PDE1B: variants seen among roughly 807,000 people sequenced by gnomAD.
PDE1B encodes the protein phosphodiesterase 1B, also known as dual specificity calcium/calmodulin-dependent 3',5'-cyclic nucleotide phosphodiesterase 1B.
A neutral mutation model predicts 66.7 loss-of-function variants in PDE1B; 13 were observed. That is an observed-to-expected ratio of 0.19 (90% CI 0.13 to 0.31). The LOEUF (loss-of-function observed/expected upper bound fraction) is 0.31. Among genes scored for constraint, PDE1B ranks in the 10% least tolerant of loss-of-function variants. The pLI is 1.00. For missense variants in PDE1B, 485 were observed against 682.3 expected, an observed-to-expected ratio of 0.71 and a Z score of 3.22; for synonymous variants, 230 against 253.9, an observed-to-expected ratio of 0.91 and a Z score of 0.90.
rs1555175896 is a variant in PDE1B, at chr12:54,573,870, AGTGTGTGTGTGT to A, written c.1064+192_1064+203del. ...GCATCTCTATGTGAGAGAGAGAGAGAGTGTGTGTGTGTGTGTGTGTGTGTGTGTGTGTGTGTG... is the reference window on the plus strand; with the variant it reads ...GCATCTCTATGTGAGAGAGAGAGAGAGTGTGTGTGTGTGTGTGTGTGTGTG... On this transcript the variant is annotated intron_variant, in intron 10 of 15. Coordinates refer to ENST00000243052, the MANE Select transcript of PDE1B (RefSeq NM_000924.4). The surrounding 1 kb of genome is among the most constrained non-coding windows in gnomAD (Gnocchi z 5.2). 2.9e-3 allele frequency: 1,454 copies of A among 501,850 alleles called. 6 individuals are homozygous for A. The highest frequency in any genetic ancestry group is 7.9e-3 in the Middle Eastern group (15 of 1,892). 31.1% of individuals were successfully genotyped at this position (501,850 alleles called of 1,614,324 possible).
chr12:54,550,012 G>T lies in PDE1B; in HGVS notation c.113+27G>T, dbSNP rs745371360. ...TAAGTCCCCGGCCCGGGAATGGGGG[G>T]AAGGGACCTTAGGGAGCCTGAGCGG... On this transcript the variant is annotated intron_variant, in intron 2 of 15. Coordinates refer to ENST00000243052, the MANE Select transcript of PDE1B (RefSeq NM_000924.4). The T allele has an allele frequency of 6.2e-6, 10 of 1,611,386 alleles. No individual in the cohort carries two copies. In the Admixed American group the frequency reaches 1.0e-4, roughly 16 times the overall value.
chr12:54,570,376 T>TGGAG lies in PDE1B; in HGVS notation c.594+19_594+20insGGAG. The TGGAG allele has an allele frequency of 2.2e-6, 3 of 1,388,462 alleles. No individual in the cohort carries two copies. The highest frequency in any genetic ancestry group is 1.7e-5 in the Admixed American group (1 of 59,736). 86.0% of individuals were successfully genotyped at this position (1,388,462 alleles called of 1,614,324 possible). On this transcript the variant is annotated intron_variant, in intron 6 of 15. Coordinates refer to ENST00000243052, the MANE Select transcript of PDE1B (RefSeq NM_000924.4). ...CTTCAAGGTTGGGCAGCATCCTACC[T>TGGAG]CTACCTCCAGGCAGGATTCTCCACT...
chr12:54,572,834 G>A (rs1254329271), intron 7 of PDE1B, 93 bp downstream of exon 7: 8 of 1,318,458 alleles, frequency 6.1e-6, no homozygotes, highest in African/African-American at 1.5e-5. Context: ...ATTTCTCCTC[G>A]TTGGTTCTTC....
At chr12:54,568,581 A>G (rs542762900) in intron 3 of PDE1B, among the ~76,000 whole-genome samples, 1 of 151,876 alleles carries the variant, frequency 6.6e-6, no homozygotes, top group South Asian at 2.1e-4. Context: ...ACGGTGGCTC[A>G]CGCCTATAAT....
intron 2 of PDE1B, among the ~76,000 whole-genome samples, chr12:54,553,625 C>T (rs560687737): frequency 1.3e-5 from 2 of 152,254 alleles, no homozygotes; most frequent in South Asian, 2.1e-4. Context: ...ACATATGTTA[C>T]GAGGTCCAGT....
chr12:54,566,473 A>C (rs1744236775), intron 2 of PDE1B, among the ~76,000 whole-genome samples: 1 of 152,188 alleles, frequency 6.6e-6, no homozygotes, highest in African/African-American at 2.4e-5. Context: ...GGCTGTGGAC[A>C]CGTAACCCCC....
Position 54,573,696 on chromosome 12 carries a change from C to A in PDE1B, c.1051C>A (p.Gln351Lys). 6.2e-7 allele frequency: 1 copy of A among 1,613,668 alleles called. No homozygotes were observed. The highest frequency in any genetic ancestry group is 1.1e-5 in the South Asian group (1 of 91,078). The change falls in exon 10 of 16, where the codon CAA (glutamine) becomes AAA (lysine). Residue 351 changes from glutamine (Q) to lysine (K), a missense_variant. Physicochemically the swap from Gln to Lys is moderately conservative, Grantham distance 53. This residue lies in a region of PDE1B where 282 missense variants were observed against 453.4 expected (regional missense o/e 0.62). Coordinates refer to ENST00000243052, the MANE Select transcript of PDE1B (RefSeq NM_000924.4). The surrounding 1 kb of genome is among the most constrained non-coding windows in gnomAD (Gnocchi z 5.2). ...QQVKTMKTAL[Q>K]QLERIDKPKA... ...AGTGAAGACCATGAAGACAGCCTTG[C>A]AACAGCTGGAGAGGTGGCATCTGGT...
Position 54,569,394 on chromosome 12 carries a change from T to A in PDE1B, c.410+28T>A, listed in dbSNP as rs755432566. 6 of 1,592,322 alleles carry A rather than the reference T, an allele frequency of 3.8e-6. No homozygotes were observed. In the South Asian group the frequency reaches 5.7e-5, roughly 15 times the overall value. On this transcript the variant is annotated intron_variant, in intron 4 of 15. Coordinates refer to ENST00000243052, the MANE Select transcript of PDE1B (RefSeq NM_000924.4). The surrounding 1 kb of genome is among the most constrained non-coding windows in gnomAD (Gnocchi z 4.4). ...GAGGCTCGCCCACACTCAGCCTCCC[T>A]CTGCCTTTAGCTGTGCCCCTCTTTC...
chr12:54,559,366 C>G (rs1162137389), intron 2 of PDE1B, among the ~76,000 whole-genome samples: 1 of 151,850 alleles, frequency 6.6e-6, no homozygotes, highest in Non-Finnish European at 1.5e-5. Flanking sequence ...GGGTTCCTTT[C>G]TATTTTTAAA....
rs1957759864 is a variant in PDE1B at position 54,576,766 on chromosome 12, T to C, written c.1507+65T>C. 3.3e-6 allele frequency: 5 copies of C among 1,517,704 alleles called. No individual in the cohort carries two copies. The East Asian group carries it at 1.2e-4, about 37-fold the overall frequency. The allele number at this position is 1,517,704 out of a possible 1,614,324, so 94.0% of individuals were successfully genotyped here. ...GGGTGGATCATGGAGCACTAGGAGGTCCATTTTTCTTAAGCCCCTGGGGAA... is the reference window on the plus strand; with the variant it reads ...GGGTGGATCATGGAGCACTAGGAGGCCCATTTTTCTTAAGCCCCTGGGGAA... On this transcript the variant is annotated intron_variant, in intron 14 of 15. Transcript: ENST00000243052.
chr12:54,566,088 C>T (rs1000974529), intron 2 of PDE1B, among the ~76,000 whole-genome samples: 9 of 152,242 alleles, frequency 5.9e-5, no homozygotes, highest in African/African-American at 2.2e-4. Flanking sequence ...TGCTTTGTGA[C>T]TGCCTGGGCT....
chr12:54,550,564 AACTC>A (rs947590949), intron 2 of PDE1B, among the ~76,000 whole-genome samples: 3 of 152,058 alleles, frequency 2.0e-5, no homozygotes, highest in African/African-American at 7.2e-5. Flanking sequence ...GGGGCCTGGA[AACTC>A]ACTCTATGTA....
intron 2 of PDE1B, among the ~76,000 whole-genome samples, chr12:54,556,580 A>G (rs1261531910): frequency 6.6e-6 from 1 of 152,016 alleles, no homozygotes; most frequent in Non-Finnish European, 1.5e-5. Flanking sequence ...AGACCTGGCA[A>G]AGGTGCACTG....
intron 6 of PDE1B, chr12:54,570,691 G>A (rs75469366): frequency 0.087 from 21,652 of 247,810 alleles, 1,300 homozygotes; most frequent in Middle Eastern, 0.12. Context: ...GATGCTGTCA[G>A]CCAGTGCCCT....
Position 54,569,680 on chromosome 12 carries a change from C to A in PDE1B, c.477+68C>A, listed in dbSNP as rs1317282481. 17 of 1,055,164 alleles carry A rather than the reference C, an allele frequency of 1.6e-5. No individual in the cohort carries two copies. The East Asian group carries it at 4.0e-4, about 25-fold the overall frequency. 65.4% of individuals were successfully genotyped at this position (1,055,164 alleles called of 1,614,324 possible). On this transcript the variant is annotated intron_variant, in intron 5 of 15. Transcript: ENST00000243052. The surrounding 1 kb of genome is among the most constrained non-coding windows in gnomAD (Gnocchi z 4.4). ...GGAATAGCCACTGGGACTTCTAGAC[C>A]CTGTTTATGGCATTATTTTTGCCTT... is the stretch of plus-strand genomic sequence containing the variant.
intron 2 of PDE1B, among the ~76,000 whole-genome samples, chr12:54,565,859 G>A (rs1364796728): frequency 6.6e-6 from 1 of 152,098 alleles, no homozygotes; most frequent in Non-Finnish European, 1.5e-5. Flanking sequence ...GCATCCCTGG[G>A]AATTGATGCT....
At chr12:54,550,612 G>GA (rs1051783667) in intron 2 of PDE1B, among the ~76,000 whole-genome samples, 12 of 151,856 alleles carry the variant, frequency 7.9e-5, no homozygotes, top group South Asian at 2.1e-4. Context: ...GAATCTGGAG[G>GA]GGGGGTTGGA....
At chr12:54,554,412 T>C (rs1020045123) in intron 2 of PDE1B, 1 of 152,214 alleles carries the variant, frequency 6.6e-6, no homozygotes, top group African/African-American at 2.4e-5. Context: ...CCTCAGCAGA[T>C]TAGTCCTTCT....
At position 54,567,597 on chromosome 12, in the gene PDE1B, A is replaced by G. The variant is rs1326481035; in HGVS notation, c.227+510A>G. On this transcript the variant is annotated intron_variant, in intron 3 of 15. Coordinates refer to ENST00000243052, the MANE Select transcript of PDE1B (RefSeq NM_000924.4). ...TGGTAAGAGATAAAGAAGCAGAGGC[A>G]GACATAGAGATGCAGAGATAGAGAC... is the stretch of plus-strand genomic sequence containing the variant. Among the ~76,000 whole-genome samples the G allele has an allele frequency of 2.0e-5, 3 of 152,170 alleles. No individual in the cohort carries two copies. In the East Asian group the frequency reaches 5.8e-4, roughly 29 times the overall value.
Sources: allele counts gnomAD v4.1 joint callset (sites outside exome capture counted in the v4.1 genomes callset), GRCh38; gene constraint gnomAD v4.1.1; regional missense constraint gnomAD v4.1.1; non-coding constraint Gnocchi (gnomAD v3.1); transcripts MANE v1.5; gene names NCBI Gene and HGNC (gene_info 2026-07-23, HGNC 2026-07-21).